Variants in OR9G4 observed in about 807,000 individuals in gnomAD.
The protein encoded by OR9G4 is olfactory receptor family 9 subfamily G member 4, also known as olfactory receptor 9G4.
A neutral mutation model predicts 16.7 loss-of-function variants in OR9G4; 19 were observed. The ratio of observed to expected loss-of-function variants is 1.14; its 90% CI spans 0.79 to 1.67. The LOEUF (loss-of-function observed/expected upper bound fraction) is 1.67, where lower values mean the gene tolerates loss of function less well. OR9G4 is among the 40% of genes most tolerant of loss of function. The pLI is 0.00. For missense variants in OR9G4, 428 were observed against 370.4 expected (o/e 1.16, Z -1.28); for synonymous variants, 182 against 146.2 (o/e 1.24, Z -1.76).
intron 1 of OR9G4, among the ~76,000 whole-genome samples, chr11:56,744,829 G>A (rs1178152650): frequency 6.6e-6 from 1 of 152,176 alleles, no homozygotes; most frequent in Non-Finnish European, 1.5e-5. Context: ...CCCCAAACAT[G>A]CAGGTGGGGC....
In OR9G4 at chr11:56,743,493, T is replaced by C. The variant is rs764343703; in HGVS notation, c.274A>G (p.Ile92Val). 6.2e-7 allele frequency: 1 copy of C among 1,614,018 alleles called. No individual in the cohort carries two copies. The highest frequency in any genetic ancestry group is 8.5e-7 in the Non-Finnish European group (1 of 1,180,014). Residue 92 changes from isoleucine (I) to valine (V), a missense_variant, in exon 2 of 2, where the codon ATT (isoleucine) becomes GTT (valine). Coordinates refer to ENST00000641668, the MANE Select transcript of OR9G4 (RefSeq NM_001005284.2). ...TGAGCCCCACATCCAGCCAAGGAAA[T>C]GCGCTTATCTTCTGAGACACAACTG... ...LASCVSEDKRISLAGCGAQLF... is the reference protein window; with the variant it reads ...LASCVSEDKRVSLAGCGAQLF...
rs141723002 is a variant in OR9G4, at chr11:56,743,698, C to T, written c.69G>A (p.Trp23Ter). ...ILLGFSADSQ[W>*]QPILFGVFLM... ...GAAACACTCCAAATAGAATCGGCTG[C>T]CACTGGGAATCTGCTGAGAAACCCA... Residue 23 changes from tryptophan to a stop codon, truncating the protein, a stop_gained, in exon 2 of 2, where the codon TGG becomes TGA. Coordinates refer to ENST00000641668, the MANE Select transcript of OR9G4 (RefSeq NM_001005284.2). LOFTEE classifies it high-confidence loss of function. 2.5e-6 allele frequency: 4 copies of T among 1,614,148 alleles called. No homozygotes were observed. The highest frequency in any genetic ancestry group is 1.3e-5 in the African/African-American group (1 of 75,044).
chr11:56,745,453 T>A (rs1052561138), intron 1 of OR9G4, among the ~76,000 whole-genome samples: 6 of 152,146 alleles, frequency 3.9e-5, no homozygotes, highest in Non-Finnish European at 8.8e-5. Context: ...AGCACCAAAC[T>A]TCCATGATTC....
rs759046286 is a variant in OR9G4, at chr11:56,743,253, T to A, written c.514A>T (p.Asn172Tyr). 1 of 1,614,094 alleles carries A rather than the reference T, an allele frequency of 6.2e-7. No individual in the cohort carries two copies. Among genetic ancestry groups the A allele is most frequent in the Non-Finnish European group, 8.5e-7 (1 of 1,179,992 alleles). Residue 172 changes from asparagine (N) to tyrosine (Y), a missense_variant, in exon 2 of 2, where the codon AAT (asparagine) becomes TAT (tyrosine). Asn to Tyr is a moderately radical substitution (Grantham distance 143, BLOSUM62 -2). Coordinates refer to ENST00000641668, the MANE Select transcript of OR9G4 (RefSeq NM_001005284.2). ...TCACAGAAAAAGTGGTCAATGATAT[T>A]TTTACCACAAAAATGCAGGCGGAAT... ...NTFRLHFCGK[N>Y]IIDHFFCDAP...
rs939171532 is a variant in OR9G4 at position 56,746,514 on chromosome 11, A to C, written c.-23+2142T>G. ...AATTTTAATGGGTTCACAAACTCCCAAAAATCTATTAGTTTGCCGGTTATT... is the reference window on the plus strand; with the variant it reads ...AATTTTAATGGGTTCACAAACTCCCCAAAATCTATTAGTTTGCCGGTTATT... On this transcript the variant is annotated intron_variant, in intron 1 of 1. Transcript: ENST00000641668. Among the ~76,000 whole-genome samples, 3 of 152,276 alleles carry C rather than the reference A, an allele frequency of 2.0e-5. No homozygotes were observed. In the East Asian group the frequency reaches 5.8e-4, roughly 29 times the overall value.
intron 1 of OR9G4, 175 bp from the exon 2 acceptor site, chr11:56,743,963 T>C: frequency 1.5e-6 from 1 of 663,516 alleles, no homozygotes; most frequent in Non-Finnish European, 2.5e-6. Flanking sequence ...GAGTCAAAAA[T>C]AATTTGAAAA....
In OR9G4 at chr11:56,747,677, C is replaced by CTT. The variant is rs139302229; in HGVS notation, c.-23+977_-23+978dup. On this transcript the variant is annotated intron_variant, in intron 1 of 1. Transcript: ENST00000641668. ...TGGTTTAGCAAAGTACTTTCTATTTCTTTTTTTTTTTCTTTGAGACGGAGT... is the reference window on the plus strand; with the variant it reads ...TGGTTTAGCAAAGTACTTTCTATTTCTTTTTTTTTTTTTCTTTGAGACGGAGT... 6.1e-5 allele frequency among the ~76,000 whole-genome samples: 9 copies of CTT among 148,148 alleles called. No individual in the cohort carries two copies. The South Asian group carries it at 6.4e-4, about 11-fold the overall frequency.
chr11:56,744,072 C>A, intron 1 of OR9G4: 1 of 400,476 alleles, frequency 2.5e-6, no homozygotes. Flanking sequence ...CTAATTACTT[C>A]TTCTTTTTTT....
In OR9G4 at chr11:56,743,113, A is replaced by G. The variant is rs1423819413; in HGVS notation, c.654T>C (p.Tyr218=). 1 of 1,614,054 alleles carries G rather than the reference A, an allele frequency of 6.2e-7. No individual in the cohort carries two copies. Among genetic ancestry groups the G allele is most frequent in the Non-Finnish European group, 8.5e-7 (1 of 1,180,022 alleles). ...TCAGGATAGCCAGGAGGATGTTGAC[A>G]TAGGAAATCAGGATAGCAAGAATGC... ...LSSILAILIS[Y]VNILLAILRI... is the part of the protein sequence containing the mutation. The change falls in exon 2 of 2, where the codon TAT becomes TAC. Residue 218 remains tyrosine (Y), a synonymous_variant. Coordinates refer to ENST00000641668, the MANE Select transcript of OR9G4 (RefSeq NM_001005284.2).
rs1306230359 is a variant in OR9G4 at position 56,743,346 on chromosome 11, A to G, written c.421T>C (p.Cys141Arg). 5.6e-6 allele frequency: 9 copies of G among 1,614,102 alleles called. No homozygotes were observed. Among genetic ancestry groups the G allele is most frequent in the African/African-American group, 1.3e-5 (1 of 74,936 alleles). Reference sequence around the variant, plus strand: ...TAGGAGCCAGCAACAAGCCCAGTACAGAGGGCGGTGGACATGGTACCTGAA... The same window carrying G: ...TAGGAGCCAGCAACAAGCCCAGTACGGAGGGCGGTGGACATGGTACCTGAA... ...LYSGTMSTAL[C>R]TGLVAGSYIG... is the part of the protein sequence containing the mutation. The change falls in exon 2 of 2, where the codon TGT becomes CGT. Residue 141 changes from cysteine (C) to arginine (R), a missense_variant. By Grantham distance (180) the Cys-to-Arg change is radical. Transcript: ENST00000641668.
intron 1 of OR9G4, among the ~76,000 whole-genome samples, chr11:56,744,879 C>A (rs1338114881): frequency 1.3e-5 from 2 of 152,164 alleles, no homozygotes; most frequent in Non-Finnish European, 2.9e-5. Context: ...CTAAGAGCTA[C>A]CCACAGACAT....
In OR9G4 at chr11:56,743,265, A is replaced by AT. The variant is rs749573298; in HGVS notation, c.501_502insA (p.Phe168IlefsTer4). On this transcript the variant is annotated frameshift_variant, in exon 2 of 2. Coordinates refer to ENST00000641668, the MANE Select transcript of OR9G4 (RefSeq NM_001005284.2). LOFTEE classifies it high-confidence loss of function. ...TGGTCAATGATATTTTTACCACAAA[A>AT]ATGCAGGCGGAATGTATTGGCAGTA... 8.1e-6 allele frequency: 13 copies of AT among 1,614,066 alleles called. No homozygotes were observed. In the East Asian group the frequency reaches 2.9e-4, roughly 36 times the overall value.
rs11228763 is a variant in OR9G4 at position 56,743,684 on chromosome 11, A to G, written c.83T>C (p.Phe28Ser). 155,397 of 1,613,906 alleles carry G rather than the reference A, an allele frequency of 0.096. 8,052 individuals carry two copies. The highest frequency in any genetic ancestry group is 0.14 in the East Asian group (6,350 of 44,878). The change falls in exon 2 of 2, where the codon TTT becomes TCT. Residue 28 changes from phenylalanine to serine, a missense_variant. Phe to Ser is a radical substitution (Grantham distance 155, BLOSUM62 -2). Coordinates refer to ENST00000641668, the MANE Select transcript of OR9G4 (RefSeq NM_001005284.2). ...CAAATAGAGCATCAGAAACACTCCA[A>G]ATAGAATCGGCTGCCACTGGGAATC... Reference protein sequence around the residue: ...SADSQWQPILFGVFLMLYLIT... With the variant: ...SADSQWQPILSGVFLMLYLIT...
chr11:56,742,726 A>G lies in OR9G4; in HGVS notation c.*102T>C, dbSNP rs1238426854. On this transcript the variant is annotated 3_prime_UTR_variant, in exon 2 of 2. Transcript: ENST00000641668. ...TGGTCAATATTTTAATGTTTTAAATATGACTTATTGAACTTAATTGAACTA... is the reference window on the plus strand; with the variant it reads ...TGGTCAATATTTTAATGTTTTAAATGTGACTTATTGAACTTAATTGAACTA... The G allele has an allele frequency of 2.0e-6, 2 of 984,114 alleles. No individual in the cohort carries two copies. Among genetic ancestry groups the G allele is most frequent in the African/African-American group, 3.3e-5 (2 of 61,480 alleles). The allele number at this position is 984,114 out of a possible 1,614,324, so 61.0% of individuals were successfully genotyped here.
In OR9G4 at chr11:56,742,253, T is replaced by G. The variant is rs1319637363; in HGVS notation, c.*575A>C. 2 of 152,848 alleles carry G rather than the reference T, an allele frequency of 1.3e-5. No homozygotes were observed. Among genetic ancestry groups the G allele is most frequent in the African/African-American group, 2.4e-5 (1 of 41,442 alleles). The allele number at this position is 152,848 out of a possible 1,614,324, so 9.5% of individuals were successfully genotyped here. ...TATTTATTCATTAATTTTGAGATAGTTTTTTGTTGTCATTGTTGTTTGTAA... is the reference window on the plus strand; with the variant it reads ...TATTTATTCATTAATTTTGAGATAGGTTTTTGTTGTCATTGTTGTTTGTAA... On this transcript the variant is annotated 3_prime_UTR_variant, in exon 2 of 2. Transcript: ENST00000641668.
chr11:56,744,227 C>A (rs1223646350), intron 1 of OR9G4, among the ~76,000 whole-genome samples: 1 of 152,030 alleles, frequency 6.6e-6, no homozygotes, highest in Non-Finnish European at 1.5e-5. Context: ...ACCACCACAC[C>A]AACTCTACTA....
Position 56,743,591 on chromosome 11 carries a change from A to AT in OR9G4, c.175dup (p.Met59AsnfsTer32). The AT allele has an allele frequency of 6.2e-7, 1 of 1,614,206 alleles. No homozygotes were observed. Among genetic ancestry groups the AT allele is most frequent in the Non-Finnish European group, 8.5e-7 (1 of 1,180,018 alleles). On this transcript the variant is annotated frameshift_variant, in exon 2 of 2. Coordinates refer to ENST00000641668, the MANE Select transcript of OR9G4 (RefSeq NM_001005284.2). LOFTEE classifies it high-confidence loss of function. ...AGACAGATTGCCAATGAAAAAGTAC[A>AT]TAGGTGTATGCAAGTGGGAATCAGT...
chr11:56,745,839 A>G (rs1858400078), intron 1 of OR9G4, among the ~76,000 whole-genome samples: 1 of 152,092 alleles, frequency 6.6e-6, no homozygotes, highest in Non-Finnish European at 1.5e-5. Flanking sequence ...GTTGCAATAC[A>G]GTGTGGCAGA....
Position 56,744,927 on chromosome 11 carries a change from G to A in OR9G4, c.-22-1139C>T, listed in dbSNP as rs139636080. Reference sequence around the variant, plus strand: ...GTGAGAAAAGACAGGTCTGGCATAGGCAGAATTGCCCAAGTGATATGGCAT... The same window carrying A: ...GTGAGAAAAGACAGGTCTGGCATAGACAGAATTGCCCAAGTGATATGGCAT... On this transcript the variant is annotated intron_variant, in intron 1 of 1. Transcript: ENST00000641668. 7.7e-3 allele frequency among the ~76,000 whole-genome samples: 1,177 copies of A among 152,250 alleles called. 10 individuals are homozygous for A. Among genetic ancestry groups the A allele is most frequent in the Middle Eastern group, 0.02 (6 of 294 alleles).
Sources: allele counts gnomAD v4.1 joint callset (sites outside exome capture counted in the v4.1 genomes callset), GRCh38; gene constraint gnomAD v4.1.1; transcripts MANE v1.5; gene names NCBI Gene and HGNC (gene_info 2026-07-23, HGNC 2026-07-21).